MGAT5: variants seen among roughly 807,000 people sequenced by gnomAD.
The protein encoded by MGAT5 is alpha-1,6-mannosylglycoprotein 6-beta-N-acetylglucosaminyltransferase A.
A neutral mutation model predicts 94.3 loss-of-function variants in MGAT5; 30 were observed. That is an observed-to-expected ratio of 0.32 (90% CI 0.24 to 0.43). The LOEUF (loss-of-function observed/expected upper bound fraction) is 0.43, where lower values mean the gene tolerates loss of function less well. MGAT5 is among the 20% of genes least tolerant of loss of function. The pLI, the probability that MGAT5 is intolerant of heterozygous loss-of-function variation, is 1.00. For missense variants in MGAT5, 691 were observed against 905.5 expected, an observed-to-expected ratio of 0.76 and a Z score of 3.04; for synonymous variants, 310 against 322.9, an observed-to-expected ratio of 0.96 and a Z score of 0.43.
chr2:134,403,167 G>C lies in MGAT5; in HGVS notation c.1530+30G>C, dbSNP rs191386269. 1.6e-4 allele frequency: 257 copies of C among 1,572,318 alleles called. No homozygotes were observed. In the African/African-American group the frequency reaches 2.0e-3, roughly 12 times the overall value. ...AAATTCACCACGGATGTGGTGTTCA[G>C]GTTATTGCCATTGGCTGTGAAAATG... On this transcript the variant is annotated intron_variant, in intron 11 of 15. Transcript: ENST00000281923.
At chr2:134,263,049 G>C (rs577244777) in intron 1 of MGAT5, among the ~76,000 whole-genome samples, 1 of 152,290 alleles carries the variant, frequency 6.6e-6, no homozygotes, top group African/African-American at 2.4e-5. Context: ...ATTGGTGGTG[G>C]TGGTGTTTCT....
chr2:134,411,215 G>T (rs1448961653), intron 11 of MGAT5, among the ~76,000 whole-genome samples: 1 of 152,126 alleles, frequency 6.6e-6, no homozygotes, highest in Non-Finnish European at 1.5e-5. Context: ...TGTATAATAA[G>T]AGTAAGATGC....
At chr2:134,172,981 G>C (rs965366345) in intron 1 of MGAT5, among the ~76,000 whole-genome samples, 2 of 152,138 alleles carry the variant, frequency 1.3e-5, no homozygotes, top group African/African-American at 4.8e-5. Context: ...ATGTCTTGAC[G>C]TGAATAAAAG....
At chr2:134,394,650 G>T (rs1454389112) in intron 10 of MGAT5, among the ~76,000 whole-genome samples, 1 of 152,022 alleles carries the variant, frequency 6.6e-6, no homozygotes, top group East Asian at 1.9e-4. Flanking sequence ...GATGTGATTG[G>T]GTGGTACTTG....
At chr2:134,339,543 T>C (rs1228109676) in intron 6 of MGAT5, among the ~76,000 whole-genome samples, 1 of 152,198 alleles carries the variant, frequency 6.6e-6, no homozygotes, top group Non-Finnish European at 1.5e-5. Context: ...GCTACTGAAC[T>C]GTATACATTA....
intron 1 of MGAT5, among the ~76,000 whole-genome samples, chr2:134,197,498 T>C (rs1558982947): frequency 6.6e-6 from 1 of 152,176 alleles, no homozygotes; most frequent in South Asian, 2.1e-4. Context: ...AAAGAGAGAT[T>C]TCTTGAACCT....
intron 1 of MGAT5, among the ~76,000 whole-genome samples, chr2:134,259,640 C>T (rs942350809): frequency 6.6e-6 from 1 of 152,196 alleles, no homozygotes; most frequent in Non-Finnish European, 1.5e-5. Context: ...CCTCCTTGAC[C>T]TCCAGGTTCT....
At chr2:134,161,215 A>T (rs551417046) in intron 1 of MGAT5, among the ~76,000 whole-genome samples, 26 of 152,202 alleles carry the variant, frequency 1.7e-4, no homozygotes, top group Non-Finnish European at 3.5e-4. Context: ...GGAGGGAATG[A>T]CTGTCCTTGC....
chr2:134,130,972 G>A (rs1434534983), intron 1 of MGAT5, among the ~76,000 whole-genome samples: 1 of 152,226 alleles, frequency 6.6e-6, no homozygotes, highest in East Asian at 1.9e-4. Flanking sequence ...CCAGATAAGG[G>A]AATAAAAGCA....
chr2:134,120,097 G>A (rs1336135925), upstream of MGAT5: 1 of 153,198 alleles, frequency 6.5e-6, no homozygotes, highest in Non-Finnish European at 1.4e-5. Flanking sequence ...GCCCCGCCAG[G>A]GCTGGTAGTT....
rs1686154840 is a variant in MGAT5 at position 134,452,436 on chromosome 2, T to G, written c.*3589T>G. ...AAGGGAAAGAACGTGCACCCCTTTT[T>G]TGTTTCTTTAGTGAATGCAAGATTT... On this transcript the variant is annotated 3_prime_UTR_variant, in exon 16 of 16. Transcript: ENST00000281923. The G allele has an allele frequency of 6.6e-6, 1 of 152,226 alleles. No individual in the cohort carries two copies. The highest frequency in any genetic ancestry group is 1.5e-5 in the Non-Finnish European group (1 of 68,038). 9.4% of individuals were successfully genotyped at this position (152,226 alleles called of 1,614,324 possible).
At chr2:134,379,167 C>A (rs996805473) in intron 10 of MGAT5, among the ~76,000 whole-genome samples, 12 of 152,336 alleles carry the variant, frequency 7.9e-5, no homozygotes, top group African/African-American at 2.9e-4. Flanking sequence ...CCTATGTCTA[C>A]ACTTTTGCTG....
At position 134,452,011 on chromosome 2, in the gene MGAT5, G is replaced by A. The variant is rs1686135187; in HGVS notation, c.*3164G>A. ...CTTTAGTGATATTTGTTTCCTTGATGTGCCTTTTCGTTTTTCTTTGGGGTT... is the reference window on the plus strand; with the variant it reads ...CTTTAGTGATATTTGTTTCCTTGATATGCCTTTTCGTTTTTCTTTGGGGTT... On this transcript the variant is annotated 3_prime_UTR_variant, in exon 16 of 16. Transcript: ENST00000281923. The A allele has an allele frequency of 6.6e-6, 1 of 152,182 alleles. No homozygotes were observed. Among genetic ancestry groups the A allele is most frequent in the Non-Finnish European group, 1.5e-5 (1 of 68,052 alleles). The allele number at this position is 152,182 out of a possible 1,614,324, so 9.4% of individuals were successfully genotyped here.
intron 7 of MGAT5, among the ~76,000 whole-genome samples, chr2:134,343,883 T>C (rs1488926628): frequency 7.1e-6 from 1 of 141,440 alleles, no homozygotes; most frequent in East Asian, 2.1e-4. Context: ...TGAAAATGTA[T>C]GGCCTGCAAA....
chr2:134,187,265 A>G (rs1413200401), intron 1 of MGAT5, among the ~76,000 whole-genome samples: 2 of 152,166 alleles, frequency 1.3e-5, no homozygotes, highest in African/African-American at 4.8e-5. Flanking sequence ...TTTTACAAGG[A>G]TCATTCCGCT....
At chr2:134,231,655 G>A (rs987810589) in intron 1 of MGAT5, among the ~76,000 whole-genome samples, 1 of 152,196 alleles carries the variant, frequency 6.6e-6, no homozygotes, top group Non-Finnish European at 1.5e-5. Context: ...ACCCTCTGGA[G>A]TTCTTTTAAT....
chr2:134,336,411 G>C (rs2105980604), intron 5 of MGAT5, 123 bp downstream of exon 5: 2 of 758,682 alleles, frequency 2.6e-6, no homozygotes, highest in East Asian at 5.4e-5. Context: ...AAAAACTTCT[G>C]TATTCGTCTC....
intron 14 of MGAT5, among the ~76,000 whole-genome samples, chr2:134,431,318 T>G (rs990877571): frequency 1.3e-5 from 2 of 152,116 alleles, no homozygotes; most frequent in African/African-American, 4.8e-5. Context: ...AGGAATCTTG[T>G]GTTAGGGGCA....
At chr2:134,391,112 A>G (rs1682376929) in intron 10 of MGAT5, among the ~76,000 whole-genome samples, 1 of 152,184 alleles carries the variant, frequency 6.6e-6, no homozygotes, top group Non-Finnish European at 1.5e-5. Context: ...TGAACTCTCA[A>G]GCAGTGTTTA....
Sources: allele counts gnomAD v4.1 joint callset (sites outside exome capture counted in the v4.1 genomes callset), GRCh38; gene constraint gnomAD v4.1.1; transcripts MANE v1.5; gene names NCBI Gene and HGNC (gene_info 2026-07-23, HGNC 2026-07-21).